The following CRYL1 variants were observed in gnomAD, a reference collection of about 807,000 sequenced individuals.
CRYL1 encodes the protein lambda-crystallin homolog.
In CRYL1, 29 loss-of-function variants were observed where a neutral mutation model predicts 36.6. The observed-to-expected ratio is 0.79, with a 90% CI of 0.59 to 1.08. CRYL1 has a LOEUF of 1.08. Among genes scored for constraint, CRYL1 ranks in the 50% least tolerant of loss-of-function variants. The pLI, the probability that CRYL1 is intolerant of heterozygous loss-of-function variation, is 0.00. For synonymous variants in CRYL1, 152 were observed against 151.5 expected, an observed-to-expected ratio of 1.00 and a Z score of -0.02; for missense variants, 411 against 407.9, an observed-to-expected ratio of 1.01 and a Z score of -0.06.
intron 5 of CRYL1, among the ~76,000 whole-genome samples, chr13:20,429,545 C>G (rs1461305110): frequency 6.6e-6 from 1 of 152,168 alleles, no homozygotes; most frequent in African/African-American, 2.4e-5. Context: ...CTTAAACCAA[C>G]CCACCAGAAC....
chr13:20,500,084 G>A (rs564294894), intron 2 of CRYL1, among the ~76,000 whole-genome samples: 1 of 152,336 alleles, frequency 6.6e-6, no homozygotes, highest in South Asian at 2.1e-4. Flanking sequence ...ACACTGATGT[G>A]TTCACAAAGA....
At chr13:20,485,140 C>T (rs967160236) in intron 3 of CRYL1, among the ~76,000 whole-genome samples, 2 of 152,124 alleles carry the variant, frequency 1.3e-5, no homozygotes, top group Admixed American at 1.3e-4. Context: ...GCCTCAGCCT[C>T]TCAAGTAGCT....
At chr13:20,430,077 C>G (rs759064939) in intron 5 of CRYL1, among the ~76,000 whole-genome samples, 1 of 152,166 alleles carries the variant, frequency 6.6e-6, no homozygotes, top group South Asian at 2.1e-4. Flanking sequence ...GAAGTCATCG[C>G]TGTGGGGCTC....
At position 20,468,505 on chromosome 13, in the gene CRYL1, T is replaced by G. The variant is rs986625296; in HGVS notation, c.276+20865A>C. ...TTCAACAATCTACCAGTGACCACAG[T>G]GGGATTCATTTCACTGACCATTAAC... On this transcript the variant is annotated intron_variant, in intron 3 of 7. Transcript: ENST00000298248. Among the ~76,000 whole-genome samples the G allele has an allele frequency of 5.3e-5, 8 of 152,212 alleles. No individual in the cohort carries two copies. The East Asian group carries it at 1.5e-3, about 29-fold the overall frequency.
chr13:20,473,728 C>A (rs537786701), intron 3 of CRYL1, among the ~76,000 whole-genome samples: 2 of 152,288 alleles, frequency 1.3e-5, no homozygotes, highest in Non-Finnish European at 2.9e-5. Context: ...ACGTTACATC[C>A]CACCCAGAGC....
chr13:20,470,300 T>C (rs757178419), intron 3 of CRYL1, among the ~76,000 whole-genome samples: 1 of 152,114 alleles, frequency 6.6e-6, no homozygotes, highest in Non-Finnish European at 1.5e-5. Flanking sequence ...CTGTTCACAG[T>C]GCATAGAATG....
chr13:20,517,811 C>T (rs2137518193), intron 1 of CRYL1, among the ~76,000 whole-genome samples: 1 of 150,746 alleles, frequency 6.6e-6, no homozygotes, highest in South Asian at 2.1e-4. Context: ...TGGCGGATGC[C>T]TGTAGTCCCA....
At chr13:20,405,685 C>T (rs552676261) in intron 6 of CRYL1, among the ~76,000 whole-genome samples, 1 of 152,196 alleles carries the variant, frequency 6.6e-6, no homozygotes, top group African/African-American at 2.4e-5. Flanking sequence ...CTGCTGCTCC[C>T]CAGCCTTGGA....
At chr13:20,416,072 C>T (rs540956205) in intron 5 of CRYL1, among the ~76,000 whole-genome samples, 25 of 152,336 alleles carry the variant, frequency 1.6e-4, no homozygotes, top group African/African-American at 5.1e-4. Flanking sequence ...TGCGGCGCCC[C>T]GGCCTCCAGA....
At chr13:20,407,277 C>T (rs571236468) in intron 6 of CRYL1, among the ~76,000 whole-genome samples, 18 of 151,986 alleles carry the variant, frequency 1.2e-4, no homozygotes, top group Admixed American at 5.2e-4. Context: ...GCCCACACCA[C>T]GTGCTCACCA....
At chr13:20,410,356 G>A (rs902852662) in intron 6 of CRYL1, among the ~76,000 whole-genome samples, 1 of 144,152 alleles carries the variant, frequency 6.9e-6, no homozygotes, top group African/African-American at 2.6e-5. Flanking sequence ...ACACAGGAAG[G>A]GGAACATCAC....
intron 5 of CRYL1, among the ~76,000 whole-genome samples, chr13:20,422,869 C>A (rs1265768777): frequency 6.6e-6 from 1 of 152,194 alleles, no homozygotes; most frequent in Non-Finnish European, 1.5e-5. Flanking sequence ...CTGTAGATCA[C>A]CTTGGGCAGT....
chr13:20,493,489 G>A (rs1053701271), intron 2 of CRYL1, among the ~76,000 whole-genome samples: 18 of 152,096 alleles, frequency 1.2e-4, no homozygotes, highest in African/African-American at 2.4e-5. Flanking sequence ...GTGAAACCCC[G>A]ATTCTACTAA....
At chr13:20,404,600 G>T (rs2137357420) in intron 7 of CRYL1, 35 bp downstream of exon 7, 2 of 1,402,752 alleles carry the variant, frequency 1.4e-6, no homozygotes, top group Non-Finnish European at 2.0e-6. Flanking sequence ...TAGCCAACAT[G>T]CTTCTCTGCA....
intron 7 of CRYL1, 40 bp from the exon 8 acceptor site, chr13:20,404,282 A>T (rs764990102): frequency 6.8e-6 from 9 of 1,329,760 alleles, no homozygotes; most frequent in Non-Finnish European, 9.7e-6. Context: ...AATAAAGAGG[A>T]AATAATTTAT....
intron 5 of CRYL1, chr13:20,431,273 GC>G (rs1222652519): frequency 1.0e-6 from 1 of 985,326 alleles, no homozygotes; most frequent in Non-Finnish European, 1.2e-6. Flanking sequence ...GAACTGTGGA[GC>G]CAGGTGCAGA....
intron 1 of CRYL1, chr13:20,515,834 AGATT>A (rs1044457246): frequency 1.1e-3 from 111 of 105,568 alleles, no homozygotes; most frequent in African/African-American, 4.5e-3. Flanking sequence ...CAAGATGAAA[AGATT>A]GATTGTACAA....
At chr13:20,511,564 C>G (rs1406407612) in intron 2 of CRYL1, among the ~76,000 whole-genome samples, 1 of 152,162 alleles carries the variant, frequency 6.6e-6, no homozygotes, top group Non-Finnish European at 1.5e-5. Context: ...ACATATTAAT[C>G]TTTTCAAAAT....
At chr13:20,453,318 T>G (rs66472343) in intron 3 of CRYL1, among the ~76,000 whole-genome samples, 6,978 of 152,248 alleles carry the variant, frequency 0.046, 340 homozygotes, top group Admixed American at 0.16. Context: ...CCCAAATATG[T>G]GGAAATTAAC....
Sources: gnomAD v4.1 joint callset for allele counts (sites outside exome capture counted in the v4.1 genomes callset) on GRCh38, gnomAD v4.1.1 for gene constraint, MANE v1.5 for transcripts, NCBI Gene and HGNC (gene_info 2026-07-23, HGNC 2026-07-21) for gene names.